SV2B: variants seen among roughly 807,000 people sequenced by gnomAD.
SV2B encodes synaptic vesicle glycoprotein 2B.
In SV2B, 41 loss-of-function variants were observed where a neutral mutation model predicts 73.9. The ratio of observed to expected loss-of-function variants is 0.56; its 90% CI spans 0.43 to 0.72. The LOEUF (loss-of-function observed/expected upper bound fraction) is 0.72. SV2B is among the 30% of genes least tolerant of loss of function. The probability of loss-of-function intolerance (pLI) is 0.00; values close to 1 mark genes in which losing one functional copy is unlikely to be tolerated. For missense variants in SV2B, 764 were observed against 857.8 expected, an observed-to-expected ratio of 0.89 and a Z score of 1.37; for synonymous variants, 314 against 314.2, an observed-to-expected ratio of 1.00 and a Z score of 0.01.
intron 1 of SV2B, among the ~76,000 whole-genome samples, chr15:91,102,854 G>A (rs1283821809): frequency 2.0e-5 from 3 of 152,128 alleles, no homozygotes; most frequent in Admixed American, 6.5e-5. Context: ...TCTGGTAAAT[G>A]ACATTTTACC....
Position 91,226,262 on chromosome 15 carries a change from G to T in SV2B, c.-2G>T. The T allele has an allele frequency of 6.2e-7, 1 of 1,614,058 alleles. No individual in the cohort carries two copies. The highest frequency in any genetic ancestry group is 8.5e-7 in the Non-Finnish European group (1 of 1,180,014). ...GCAACCAGGCAGTCGCAGAACCAAG[G>T]AATGGATGACTACAAGTATCAGGAC... On this transcript the variant is annotated 5_prime_UTR_variant, in exon 2 of 13. Coordinates refer to ENST00000394232, the MANE Select transcript of SV2B (RefSeq NM_001323032.3).
intron 1 of SV2B, among the ~76,000 whole-genome samples, chr15:91,171,061 G>A (rs1026852138): frequency 1.3e-5 from 2 of 152,148 alleles, no homozygotes; most frequent in Non-Finnish European, 2.9e-5. Flanking sequence ...AAGTCTTGAC[G>A]TCACACAGCT....
rs2151747066 is a variant in SV2B at position 91,122,917 on chromosome 15, A to G, written c.-392+22554A>G. Among the ~76,000 whole-genome samples, 1 of 152,308 alleles carries G rather than the reference A, an allele frequency of 6.6e-6. No individual in the cohort carries two copies. Among genetic ancestry groups the G allele is most frequent in the South Asian group, 2.1e-4 (1 of 4,826 alleles). On this transcript the variant is annotated intron_variant, in intron 1 of 12. Transcript: ENST00000394232. This position sits in a 1 kb window ranked among gnomAD's most constrained non-coding sequence, Gnocchi z 4.3. ...TAAATTTCAGTTTGACAGGATTAAT[A>G]AATTCAAGAGGTCTATTCTACAACC...
rs2049371668 is a variant in SV2B at position 91,299,604 on chromosome 15, A to G, written c.*7052A>G. On this transcript the variant is annotated 3_prime_UTR_variant, in exon 13 of 13. Transcript: ENST00000394232. ...ATAGATGCTTACCAGTAGGTTTAAT[A>G]GAAGATTTCTGAAAGGTAGCGCAAG... 1 of 152,184 alleles carries G rather than the reference A, an allele frequency of 6.6e-6. No homozygotes were observed. The highest frequency in any genetic ancestry group is 2.1e-4 in the South Asian group (1 of 4,828). 9.4% of individuals were successfully genotyped at this position (152,184 alleles called of 1,614,324 possible).
At position 91,124,132 on chromosome 15, in the gene SV2B, T is replaced by G. The variant is rs1023932267; in HGVS notation, c.-392+23769T>G. Among the ~76,000 whole-genome samples the G allele has an allele frequency of 8.5e-5, 13 of 152,232 alleles. No individual in the cohort carries two copies. The highest frequency in any genetic ancestry group is 3.1e-4 in the African/African-American group (13 of 41,456). On this transcript the variant is annotated intron_variant, in intron 1 of 12. Coordinates refer to ENST00000394232, the MANE Select transcript of SV2B (RefSeq NM_001323032.3). This position sits in a 1 kb window ranked among gnomAD's most constrained non-coding sequence, Gnocchi z 4.6. ...GGCAAACTGTGTTTTGGCTTGCTGG[T>G]ACTGGTTTGCCATTCTTTTCTCACC... is the stretch of plus-strand genomic sequence containing the variant.
Position 91,135,971 on chromosome 15 carries a change from C to T in SV2B, c.-392+35608C>T, listed in dbSNP as rs114195803. On this transcript the variant is annotated intron_variant, in intron 1 of 12. Coordinates refer to ENST00000394232, the MANE Select transcript of SV2B (RefSeq NM_001323032.3). Reference sequence around the variant, plus strand: ...CTTGCAGGAGGGCAAGAGAACCACACGATTGCAGCTTTCTCCCACTGCCTC... The same window carrying T: ...CTTGCAGGAGGGCAAGAGAACCACATGATTGCAGCTTTCTCCCACTGCCTC... Among the ~76,000 whole-genome samples the T allele has an allele frequency of 9.1e-3, 1,386 of 152,300 alleles. 17 individuals carry two copies. Among genetic ancestry groups the T allele is most frequent in the African/African-American group, 0.032 (1,321 of 41,552 alleles).
At chr15:91,133,180 A>G (rs1056227860) in intron 1 of SV2B, among the ~76,000 whole-genome samples, 8 of 152,196 alleles carry the variant, frequency 5.3e-5, no homozygotes, top group African/African-American at 9.6e-5. Context: ...GTAGGAATTA[A>G]GCATTTTCTC....
chr15:91,104,369 G>C (rs2041819699), intron 1 of SV2B, among the ~76,000 whole-genome samples: 1 of 152,246 alleles, frequency 6.6e-6, no homozygotes, highest in African/African-American at 2.4e-5. Context: ...TGTTCACATG[G>C]TAGTGGCAGG....
chr15:91,103,041 A>C (rs1000483207), intron 1 of SV2B, among the ~76,000 whole-genome samples: 2 of 152,164 alleles, frequency 1.3e-5, no homozygotes, highest in Admixed American at 1.3e-4. Flanking sequence ...CACGGCAGGT[A>C]TTTGAGATAT....
At chr15:91,192,203 C>T (rs571695672) in intron 1 of SV2B, among the ~76,000 whole-genome samples, 42 of 152,292 alleles carry the variant, frequency 2.8e-4, no homozygotes, top group African/African-American at 9.6e-4. Context: ...AATTTATTTT[C>T]TCTTTTTGTG....
At position 91,292,570 on chromosome 15, in the gene SV2B, G is replaced by A. The variant is rs2049081108; in HGVS notation, c.*18G>A. On this transcript the variant is annotated 3_prime_UTR_variant, in exon 13 of 13. Coordinates refer to ENST00000394232, the MANE Select transcript of SV2B (RefSeq NM_001323032.3). Reference sequence around the variant, plus strand: ...TGATGTGAACAACCTATGGGAAAAGGAAAGGTCGAGAGAATCTTGTCCAGG... The same window carrying A: ...TGATGTGAACAACCTATGGGAAAAGAAAAGGTCGAGAGAATCTTGTCCAGG... The A allele has an allele frequency of 6.2e-7, 1 of 1,604,390 alleles. No individual in the cohort carries two copies. The highest frequency in any genetic ancestry group is 1.1e-5 in the South Asian group (1 of 89,718).
At chr15:91,206,739 G>A (rs1050300933) in intron 1 of SV2B, among the ~76,000 whole-genome samples, 14 of 152,178 alleles carry the variant, frequency 9.2e-5, no homozygotes, top group East Asian at 3.9e-4. Flanking sequence ...ATAAATGTTC[G>A]ACCTAGTACC....
At chr15:91,285,273 G>A (rs2048821488) in intron 11 of SV2B, among the ~76,000 whole-genome samples, 2 of 152,252 alleles carry the variant, frequency 1.3e-5, no homozygotes, top group Middle Eastern at 3.4e-3. Flanking sequence ...TTTTAATCTT[G>A]TGGTGAGGGT....
rs551653665 is a variant in SV2B, at chr15:91,152,477, T to C, written c.-392+52114T>C. ...TTCCATATGAGGGAACATGTATTAT[T>C]ATTTACTTAATTTTTAAGAAGTGAA... On this transcript the variant is annotated intron_variant, in intron 1 of 12. Transcript: ENST00000394232. Among the ~76,000 whole-genome samples the C allele has an allele frequency of 5.3e-4, 81 of 152,336 alleles. 3 individuals are homozygous for C. In the South Asian group the frequency reaches 0.012, roughly 23 times the overall value.
At chr15:91,116,660 T>G (rs891768620) in intron 1 of SV2B, among the ~76,000 whole-genome samples, 1 of 152,200 alleles carries the variant, frequency 6.6e-6, no homozygotes, top group African/African-American at 2.4e-5. Flanking sequence ...AAAAATTGCC[T>G]CAGCCCTTGC....
Position 91,266,641 on chromosome 15 carries a change from AG to A in SV2B, c.1070del (p.Gly357GlufsTer26). The A allele has an allele frequency of 6.2e-7, 1 of 1,614,200 alleles. No homozygotes were observed. The highest frequency in any genetic ancestry group is 1.1e-5 in the South Asian group (1 of 91,078). On this transcript the variant is annotated frameshift_variant, in exon 7 of 13. Coordinates refer to ENST00000394232, the MANE Select transcript of SV2B (RefSeq NM_001323032.3). LOFTEE classifies it high-confidence loss of function. ...DEFIEIQSST[G>X]TWYQRWLVRF... is the part of the protein sequence containing the mutation. The stretch of plus-strand genomic sequence containing the variant: ...AATTCATTGAGATCCAAAGTTCAAC[AG>A]GAACCTGGTACCAGCGCTGGCTGGT...
In SV2B at chr15:91,124,262, T is replaced by A. The variant is rs2042416060; in HGVS notation, c.-392+23899T>A. On this transcript the variant is annotated intron_variant, in intron 1 of 12. Coordinates refer to ENST00000394232, the MANE Select transcript of SV2B (RefSeq NM_001323032.3). The surrounding 1 kb of genome is among the most constrained non-coding windows in gnomAD (Gnocchi z 4.6). ...TTCCCTCGGGGAAGTCACGAATCTG[T>A]CATTTGCGATTTTAGTTTTTGTGTC... Among the ~76,000 whole-genome samples, 1 of 152,196 alleles carries A rather than the reference T, an allele frequency of 6.6e-6. No individual in the cohort carries two copies. The highest frequency in any genetic ancestry group is 2.4e-5 in the African/African-American group (1 of 41,436).
At chr15:91,102,014 G>A (rs1041617035) in intron 1 of SV2B, 5 of 152,080 alleles carry the variant, frequency 3.3e-5, no homozygotes, top group African/African-American at 4.8e-5. Flanking sequence ...CTGGGTCCCC[G>A]ACCTATCTGT....
chr15:91,209,672 T>C (rs1414847477), intron 1 of SV2B, among the ~76,000 whole-genome samples: 1 of 152,154 alleles, frequency 6.6e-6, no homozygotes, highest in Non-Finnish European at 1.5e-5. Context: ...TGGGTTTGAA[T>C]CTAGCTCTGC....
Sources: gnomAD v4.1 joint callset for allele counts (sites outside exome capture counted in the v4.1 genomes callset) on GRCh38, gnomAD v4.1.1 for gene constraint, Gnocchi (gnomAD v3.1) non-coding constraint, MANE v1.5 for transcripts, NCBI Gene and HGNC (gene_info 2026-07-23, HGNC 2026-07-21) for gene names.